The following HSD17B3 variants were observed in gnomAD, a reference collection of about 807,000 sequenced individuals.
The protein encoded by HSD17B3 is hydroxysteroid 17-beta dehydrogenase 3.
A neutral mutation model predicts 41.1 loss-of-function variants in HSD17B3; 29 were observed. The ratio of observed to expected loss-of-function variants is 0.71; its 90% CI spans 0.53 to 0.96. The LOEUF (loss-of-function observed/expected upper bound fraction) is 0.96, where lower values mean the gene tolerates loss of function less well. Among genes scored for constraint, HSD17B3 ranks in the 40% least tolerant of loss-of-function variants. The probability of loss-of-function intolerance (pLI) is 0.00; values close to 1 mark genes in which losing one functional copy is unlikely to be tolerated. For missense variants in HSD17B3, 323 were observed against 374.6 expected, an observed-to-expected ratio of 0.86 and a Z score of 1.14; for synonymous variants, 126 against 145.6, an observed-to-expected ratio of 0.87 and a Z score of 0.97.
At chr9:96,251,598 G>A (rs1825415631) in intron 4 of HSD17B3, 113 bp from the exon 5 acceptor site, 6 of 947,406 alleles carry the variant, frequency 6.3e-6, no homozygotes, top group South Asian at 5.5e-5. Flanking sequence ...GCATGATTTG[G>A]TAACGGTGAG....
At chr9:96,267,157 ATT>A (rs11301816) in intron 2 of HSD17B3, among the ~76,000 whole-genome samples, 472 of 137,938 alleles carry the variant, frequency 3.4e-3, no homozygotes, top group East Asian at 0.012. Flanking sequence ...AAAAGACAAC[ATT>A]TTTTTTTTTT....
intron 1 of HSD17B3, among the ~76,000 whole-genome samples, chr9:96,301,250 GA>G (rs1335929806): frequency 6.6e-6 from 1 of 151,850 alleles, no homozygotes; most frequent in Non-Finnish European, 1.5e-5. Context: ...CTCTCAAAGA[GA>G]AAAAAATGCA....
At chr9:96,248,524 A>G (rs1459961634) in intron 6 of HSD17B3, among the ~76,000 whole-genome samples, 1 of 152,178 alleles carries the variant, frequency 6.6e-6, no homozygotes, top group Non-Finnish European at 1.5e-5. Context: ...ATCAGGAATC[A>G]GACTTTACTT....
intron 2 of HSD17B3, among the ~76,000 whole-genome samples, chr9:96,255,426 G>T (rs1482000188): frequency 9.9e-6 from 1 of 101,230 alleles, no homozygotes; most frequent in Non-Finnish European, 1.9e-5. Context: ...GTCTTGCTCT[G>T]TTGCCCAGGC....
chr9:96,286,098 CT>C (rs1304384023), intron 2 of HSD17B3, among the ~76,000 whole-genome samples: 29 of 152,106 alleles, frequency 1.9e-4, no homozygotes, highest in South Asian at 1.2e-3. Context: ...AATCCCAGCA[CT>C]TTGGGAGGCC....
intron 2 of HSD17B3, among the ~76,000 whole-genome samples, chr9:96,256,809 A>G (rs1825679037): frequency 6.6e-6 from 1 of 152,122 alleles, no homozygotes; most frequent in African/African-American, 2.4e-5. Context: ...TCAAAAAAAA[A>G]AAACACTGAT....
intron 2 of HSD17B3, among the ~76,000 whole-genome samples, chr9:96,290,702 C>T (rs1438573005): frequency 6.6e-6 from 1 of 151,588 alleles, no homozygotes; most frequent in Non-Finnish European, 1.5e-5. Context: ...GGCATGGTGG[C>T]GGGTGCCTGT....
At chr9:96,236,197 G>A (rs1836232576) in intron 10 of HSD17B3, among the ~76,000 whole-genome samples, 1 of 151,710 alleles carries the variant, frequency 6.6e-6, no homozygotes, top group Non-Finnish European at 1.5e-5. Context: ...TTGTCTTCAA[G>A]TCCTTTCTAC....
chr9:96,267,389 C>G (rs1826081413), intron 2 of HSD17B3, among the ~76,000 whole-genome samples: 3 of 151,934 alleles, frequency 2.0e-5, no homozygotes, highest in Admixed American at 2.0e-4. Flanking sequence ...AACTCCTGAC[C>G]TCAAGTGATC....
At chr9:96,296,576 A>G (rs1827366305) in intron 2 of HSD17B3, among the ~76,000 whole-genome samples, 2 of 152,136 alleles carry the variant, frequency 1.3e-5, no homozygotes, top group Admixed American at 1.3e-4. Flanking sequence ...CAGCAAGACC[A>G]CCTCAAGAAA....
At chr9:96,254,782 G>T in intron 3 of HSD17B3, 86 bp downstream of exon 3, 1 of 1,142,294 alleles carries the variant, frequency 8.8e-7, no homozygotes, top group Non-Finnish European at 1.3e-6. Context: ...CAGATGTGGG[G>T]ATGCCAAGTA....
At chr9:96,285,416 G>A (rs868586268) in intron 2 of HSD17B3, among the ~76,000 whole-genome samples, 2 of 152,100 alleles carry the variant, frequency 1.3e-5, no homozygotes, top group South Asian at 4.2e-4. Flanking sequence ...CTGTTCAGAA[G>A]AAATAAGAGG....
At chr9:96,287,324 C>T (rs1411627022) in intron 2 of HSD17B3, among the ~76,000 whole-genome samples, 1 of 152,196 alleles carries the variant, frequency 6.6e-6, no homozygotes, top group Non-Finnish European at 1.5e-5. Context: ...ACCGAACACA[C>T]CAACACACAC....
intron 2 of HSD17B3, among the ~76,000 whole-genome samples, chr9:96,278,056 G>A (rs1417946566): frequency 6.6e-6 from 1 of 152,194 alleles, no homozygotes; most frequent in African/African-American, 2.4e-5. Flanking sequence ...GAACTACAGA[G>A]TAGAATGTTG....
chr9:96,279,058 C>T (rs538232329), intron 2 of HSD17B3, among the ~76,000 whole-genome samples: 2 of 152,320 alleles, frequency 1.3e-5, no homozygotes, highest in Admixed American at 1.3e-4. Context: ...CACTACGTGG[C>T]AGGATGTGGG....
chr9:96,242,001 G>GAAAGAAAGAAAGA (rs1554692381), intron 9 of HSD17B3, among the ~76,000 whole-genome samples: 4 of 130,504 alleles, frequency 3.1e-5, no homozygotes, highest in African/African-American at 1.2e-4. Flanking sequence ...AAGAAAGAAA[G>GAAAGAAAGAAAGA]AAAGAGAAAG....
At chr9:96,240,250 A>T (rs1008934339) in intron 10 of HSD17B3, among the ~76,000 whole-genome samples, 1 of 152,160 alleles carries the variant, frequency 6.6e-6, no homozygotes, top group African/African-American at 2.4e-5. Context: ...AAAAATGAAA[A>T]CTAAAAAAAG....
intron 5 of HSD17B3, 108 bp downstream of exon 5, chr9:96,251,310 G>T: frequency 1.1e-6 from 1 of 886,232 alleles, no homozygotes. Flanking sequence ...CCAGGATTTC[G>T]GCCAGATGCA....
At position 96,298,284 on chromosome 9, in the gene HSD17B3, C is replaced by T. The variant is rs768222623; in HGVS notation, c.201+132G>A. The T allele has an allele frequency of 3.0e-5, 24 of 789,214 alleles. 1 individual carries two copies. The highest frequency in any genetic ancestry group is 5.2e-5 in the Admixed American group (3 of 57,930). The allele number at this position is 789,214 out of a possible 1,614,324, so 48.9% of individuals were successfully genotyped here. On this transcript the variant is annotated intron_variant, in intron 2 of 10. Coordinates refer to ENST00000375263, the MANE Select transcript of HSD17B3 (RefSeq NM_000197.2). ...AGATTATTATTTTTGTTTGCTTTTCCATAGAGTATATTTTCTCCTTTAAAT... is the reference window on the plus strand; with the variant it reads ...AGATTATTATTTTTGTTTGCTTTTCTATAGAGTATATTTTCTCCTTTAAAT...
Sources: allele counts gnomAD v4.1 joint callset (sites outside exome capture counted in the v4.1 genomes callset), GRCh38; gene constraint gnomAD v4.1.1; transcripts MANE v1.5; gene names NCBI Gene and HGNC (gene_info 2026-07-23, HGNC 2026-07-21).